Variants in CCSER1 observed in about 807,000 individuals in gnomAD.
CCSER1 encodes serine-rich coiled-coil domain-containing protein 1.
In CCSER1, 41 loss-of-function variants were observed where a neutral mutation model predicts 82.0. That is an observed-to-expected ratio of 0.50 (90% confidence interval 0.39 to 0.65). The LOEUF (loss-of-function observed/expected upper bound fraction) is 0.65. Among genes scored for constraint, CCSER1 ranks in the 30% least tolerant of loss-of-function variants. The pLI, the probability that CCSER1 is intolerant of heterozygous loss-of-function variation, is 0.00. For missense variants in CCSER1, 1,119 were observed against 1,064.2 expected (o/e 1.05, Z -0.72); for synonymous variants, 414 against 383.9 (o/e 1.08, Z -0.92).
intron 10 of CCSER1, among the ~76,000 whole-genome samples, chr4:91,193,443 T>C (rs1371113344): frequency 4.6e-5 from 7 of 152,172 alleles, no homozygotes; most frequent in African/African-American, 1.7e-4. Context: ...CTTCCCAGTA[T>C]TGAAAGAACC....
At chr4:90,395,904 T>C (rs1183135623) in intron 3 of CCSER1, among the ~76,000 whole-genome samples, 2 of 145,178 alleles carry the variant, frequency 1.4e-5, no homozygotes, top group African/African-American at 5.2e-5. Context: ...ACCCCGTCTC[T>C]ACTAAAAATA....
intron 9 of CCSER1, among the ~76,000 whole-genome samples, chr4:91,033,443 T>C (rs1741159953): frequency 1.3e-5 from 2 of 152,166 alleles, no homozygotes; most frequent in Non-Finnish European, 2.9e-5. Context: ...TGCTGTTGCC[T>C]CCTTCTGTCT....
At chr4:90,807,625 C>G (rs903539302) in intron 7 of CCSER1, among the ~76,000 whole-genome samples, 1 of 146,302 alleles carries the variant, frequency 6.8e-6, no homozygotes, top group Non-Finnish European at 1.5e-5. Flanking sequence ...AAAATCGAAT[C>G]AAGAACTCAG....
At chr4:90,165,826 T>C (rs1244441280) in intron 1 of CCSER1, among the ~76,000 whole-genome samples, 1 of 151,968 alleles carries the variant, frequency 6.6e-6, no homozygotes, top group African/African-American at 2.4e-5. Flanking sequence ...CAAGCTGTGT[T>C]TAAAAAGCAG....
At chr4:90,870,557 T>G (rs1766342651) in intron 8 of CCSER1, among the ~76,000 whole-genome samples, 1 of 151,844 alleles carries the variant, frequency 6.6e-6, no homozygotes, top group Admixed American at 6.6e-5. Flanking sequence ...TGATGAATGA[T>G]CTTTTTAATG....
chr4:90,603,760 T>G (rs1438606324), intron 5 of CCSER1, among the ~76,000 whole-genome samples: 1 of 152,140 alleles, frequency 6.6e-6, no homozygotes, highest in Non-Finnish European at 1.5e-5. Flanking sequence ...ACCAAATTAC[T>G]CTCCAAAAGC....
At chr4:91,407,318 A>G (rs942869136) in intron 10 of CCSER1, among the ~76,000 whole-genome samples, 2 of 152,190 alleles carry the variant, frequency 1.3e-5, no homozygotes, top group African/African-American at 4.8e-5. Flanking sequence ...AATAATAGGC[A>G]AAAACCGTGT....
In CCSER1 at chr4:90,692,813, A is replaced by C. The variant is rs79014255; in HGVS notation, c.1933-31101A>C. Reference sequence around the variant, plus strand: ...TAACACCAAAGGGCCATATTAAATAAAAGAGTATCAAATTAAACTTAAAAG... The same window carrying C: ...TAACACCAAAGGGCCATATTAAATACAAGAGTATCAAATTAAACTTAAAAG... On this transcript the variant is annotated intron_variant, in intron 6 of 10. Coordinates refer to ENST00000509176, the MANE Select transcript of CCSER1 (RefSeq NM_001145065.2). Among the ~76,000 whole-genome samples the C allele has an allele frequency of 4.6e-3, 707 of 152,082 alleles. 14 individuals carry two copies. In the East Asian group the frequency reaches 0.047, roughly 10 times the overall value.
chr4:91,248,811 C>A lies in CCSER1; in HGVS notation c.2217+162817C>A, dbSNP rs191763909. 5.3e-5 allele frequency among the ~76,000 whole-genome samples: 8 copies of A among 152,122 alleles called. No individual in the cohort carries two copies. The East Asian group carries it at 1.4e-3, about 26-fold the overall frequency. ...TAATTATTATTACAAATGCACTATA[C>A]AAATATAAGATATTATTGTGGATAC... On this transcript the variant is annotated intron_variant, in intron 10 of 10. Transcript: ENST00000509176.
intron 6 of CCSER1, among the ~76,000 whole-genome samples, chr4:90,696,313 G>C (rs971115464): frequency 3.3e-5 from 5 of 151,850 alleles, no homozygotes; most frequent in African/African-American, 1.2e-4. Flanking sequence ...CATTGTATTT[G>C]TCATATATGT....
intron 10 of CCSER1, among the ~76,000 whole-genome samples, chr4:91,419,996 C>A (rs1472608937): frequency 1.3e-5 from 2 of 152,046 alleles, no homozygotes; most frequent in African/African-American, 4.8e-5. Flanking sequence ...TGGATAACCA[C>A]ATGCAAAAGA....
intron 10 of CCSER1, among the ~76,000 whole-genome samples, chr4:91,452,627 A>ATACT (rs2149421255): frequency 6.6e-6 from 1 of 152,180 alleles, no homozygotes; most frequent in South Asian, 2.1e-4. Flanking sequence ...ATGTGCTGAG[A>ATACT]TACTATAGAA....
chr4:90,797,829 G>A (rs1400610388), intron 7 of CCSER1, among the ~76,000 whole-genome samples: 1 of 152,200 alleles, frequency 6.6e-6, no homozygotes, highest in Non-Finnish European at 1.5e-5. Flanking sequence ...TAGGGTTTCT[G>A]CTGAGATGTC....
intron 10 of CCSER1, among the ~76,000 whole-genome samples, chr4:91,457,653 G>C (rs1273143747): frequency 6.6e-6 from 1 of 152,054 alleles, no homozygotes; most frequent in Non-Finnish European, 1.5e-5. Flanking sequence ...TTGGGCAACA[G>C]AGTGAGATCC....
At chr4:90,635,399 A>T (rs937763498) in intron 6 of CCSER1, among the ~76,000 whole-genome samples, 157 of 151,824 alleles carry the variant, frequency 1.0e-3, no homozygotes, top group African/African-American at 3.7e-3. Flanking sequence ...AGGAATCAAA[A>T]ATAATAAAAT....
chr4:91,530,849 A>G (rs1424560665), intron 10 of CCSER1, among the ~76,000 whole-genome samples: 1 of 151,800 alleles, frequency 6.6e-6, no homozygotes, highest in Non-Finnish European at 1.5e-5. Context: ...CACCACACCC[A>G]GCTAATTTTG....
intron 3 of CCSER1, among the ~76,000 whole-genome samples, chr4:90,314,440 C>T (rs6853854): frequency 0.075 from 11,343 of 152,114 alleles, 1,191 homozygotes; most frequent in African/African-American, 0.24. Context: ...CATGGAGAGG[C>T]ATTTATATTA....
chr4:91,510,061 G>A lies in CCSER1; in HGVS notation c.2218-88511G>A, dbSNP rs554388547. ...TCTATTGTTGAATCTTCTTATGCCC[G>A]TGAGTACCCATTGTTTAGCTCCCAC... On this transcript the variant is annotated intron_variant, in intron 10 of 10. Coordinates refer to ENST00000509176, the MANE Select transcript of CCSER1 (RefSeq NM_001145065.2). Among the ~76,000 whole-genome samples, 30 of 152,082 alleles carry A rather than the reference G, an allele frequency of 2.0e-4. 1 individual carries two copies. Among genetic ancestry groups the A allele is most frequent in the Middle Eastern group, 3.4e-3 (1 of 294 alleles).
intron 10 of CCSER1, among the ~76,000 whole-genome samples, chr4:91,467,102 A>T (rs1756956198): frequency 6.6e-6 from 1 of 152,164 alleles, no homozygotes; most frequent in African/African-American, 2.4e-5. Context: ...CTGACTTCAA[A>T]CTATACTACA....
Sources: allele counts gnomAD v4.1 joint callset (sites outside exome capture counted in the v4.1 genomes callset), GRCh38; gene constraint gnomAD v4.1.1; transcripts MANE v1.5; gene names NCBI Gene and HGNC (gene_info 2026-07-23, HGNC 2026-07-21).